Variants in ING2 observed in about 807,000 individuals in gnomAD.
ING2 encodes inhibitor of growth family member 2, also known as inhibitor of growth protein 2.
A neutral mutation model predicts 30.6 loss-of-function variants in ING2; 7 were observed. That is an observed-to-expected ratio of 0.23 (90% CI 0.13 to 0.43). The LOEUF is 0.43. ING2 is among the 20% of genes least tolerant of loss of function. The pLI is 1.00. For missense variants in ING2, 239 were observed against 334.9 expected (o/e 0.71, Z 2.24); for synonymous variants, 136 against 121.7 (o/e 1.12, Z -0.78).
Position 183,511,653 on chromosome 4 carries a change from C to T in ING2, c.*701C>T, listed in dbSNP as rs1054813668. On this transcript the variant is annotated 3_prime_UTR_variant, in exon 2 of 2. Transcript: ENST00000302327. ...GTTTTGTGTTTTCTTTTAATTGGGA[C>T]AGGTAAGAGTAGTTAGCATACCAAA... 2.0e-5 allele frequency among the ~76,000 whole-genome samples: 3 copies of T among 152,156 alleles called. No homozygotes were observed. The highest frequency in any genetic ancestry group is 1.3e-4 in the Admixed American group (2 of 15,278).
Position 183,510,694 on chromosome 4 carries a change from G to C in ING2, c.585G>C (p.Lys195Asn), listed in dbSNP as rs563526131. 1 of 1,614,210 alleles carries C rather than the reference G, an allele frequency of 6.2e-7. No homozygotes were observed. The highest frequency in any genetic ancestry group is 1.3e-5 in the African/African-American group (1 of 75,052). ...AGAAAAAGAAACGCTCCAAGGCCAA[G>C]CAGGAAAGGGAAGCTTCACCTGTTG... ...SAKKKKRSKA[K>N]QEREASPVEF... The change falls in exon 2 of 2, where the codon AAG becomes AAC. Residue 195 changes from lysine to asparagine, a missense_variant. Lys to Asn is a moderately conservative substitution (Grantham distance 94, BLOSUM62 0). Coordinates refer to ENST00000302327, the MANE Select transcript of ING2 (RefSeq NM_001564.4).
intron 1 of ING2, among the ~76,000 whole-genome samples, chr4:183,510,078 C>T (rs1009239426): frequency 4.6e-5 from 7 of 152,166 alleles, no homozygotes; most frequent in Admixed American, 2.6e-4. Context: ...TGTGTTCTTT[C>T]TTTTCATTAC....
In ING2 at chr4:183,510,682, C is replaced by T. The variant is rs183273154; in HGVS notation, c.573C>T (p.Arg191=). The change falls in exon 2 of 2, where the codon CGC becomes CGT. Residue 191 remains arginine (R), a synonymous_variant. Transcript: ENST00000302327. ...KKSKSAKKKK[R]SKAKQEREAS... ...CCAAGTCAGCAAAGAAAAAGAAACG[C>T]TCCAAGGCCAAGCAGGAAAGGGAAG... 1 of 1,614,180 alleles carries T rather than the reference C, an allele frequency of 6.2e-7. No individual in the cohort carries two copies. The highest frequency in any genetic ancestry group is 1.7e-5 in the Admixed American group (1 of 60,026).
rs745417481 is a variant in ING2 at position 183,506,415 on chromosome 4, C to CT, written c.172+1051dup. The stretch of plus-strand genomic sequence containing the variant: ...CGTCCCCGAGCCCCTCCTTCTCCGA[C>CT]TTTAAGTGTGGAGGCGAAACCACCC... On this transcript the variant is annotated intron_variant, in intron 1 of 1. Transcript: ENST00000302327. 3.6e-5 allele frequency: 32 copies of CT among 896,778 alleles called. No homozygotes were observed. In the East Asian group the frequency reaches 8.7e-4, roughly 24 times the overall value. 55.6% of individuals were successfully genotyped at this position (896,778 alleles called of 1,614,324 possible).
At position 183,511,911 on chromosome 4, in the gene ING2, A is replaced by T. The variant is rs1320305715; in HGVS notation, c.*959A>T. On this transcript the variant is annotated 3_prime_UTR_variant, in exon 2 of 2. Transcript: ENST00000302327. ...AGTGGTTATTGTTCATTTCTGTCCCAATCAGTGACTATTTTAAATAATAGT... is the reference window on the plus strand; with the variant it reads ...AGTGGTTATTGTTCATTTCTGTCCCTATCAGTGACTATTTTAAATAATAGT... Among the ~76,000 whole-genome samples the T allele has an allele frequency of 1.3e-5, 2 of 152,238 alleles. No homozygotes were observed. Among genetic ancestry groups the T allele is most frequent in the Non-Finnish European group, 1.5e-5 (1 of 68,040 alleles).
intron 1 of ING2, among the ~76,000 whole-genome samples, chr4:183,505,696 C>A (rs1734619350): frequency 6.6e-6 from 1 of 151,960 alleles, no homozygotes; most frequent in Non-Finnish European, 1.5e-5. Flanking sequence ...GACCCTGCGG[C>A]CCCGGCCCGG....
At chr4:183,505,495 G>T (rs1336341441) in intron 1 of ING2, 128 bp downstream of exon 1, 6 of 965,314 alleles carry the variant, frequency 6.2e-6, no homozygotes, top group African/African-American at 1.7e-5. Flanking sequence ...GGGACTGGGA[G>T]GACTGGAGAC....
At position 183,511,777 on chromosome 4, in the gene ING2, T is replaced by C. The variant is rs1027198649; in HGVS notation, c.*825T>C. ...ACATCTTAATTAATAGTATTTTCCA[T>C]GTGACCTGCTGCCAGGATGCGTAGC... On this transcript the variant is annotated 3_prime_UTR_variant, in exon 2 of 2. Coordinates refer to ENST00000302327, the MANE Select transcript of ING2 (RefSeq NM_001564.4). Among the ~76,000 whole-genome samples, 39 of 152,224 alleles carry C rather than the reference T, an allele frequency of 2.6e-4. 1 individual carries two copies. The highest frequency in any genetic ancestry group is 7.4e-5 in the Non-Finnish European group (5 of 68,026).
At chr4:183,506,094 C>T in intron 1 of ING2, 1 of 1,187,640 alleles carries the variant, frequency 8.4e-7, no homozygotes, top group Non-Finnish European at 1.1e-6. Flanking sequence ...GGGAGGGGCG[C>T]GGCGCGCGTT....
chr4:183,509,717 G>A (rs1734770639), intron 1 of ING2, among the ~76,000 whole-genome samples: 1 of 144,360 alleles, frequency 6.9e-6, no homozygotes. Context: ...TTACAAGCGT[G>A]AGCCACCGCG....
Position 183,510,846 on chromosome 4 carries a change from C to T in ING2, c.737C>T (p.Thr246Ile), listed in dbSNP as rs1359100536. The T allele has an allele frequency of 3.1e-6, 5 of 1,613,946 alleles. No homozygotes were observed. In the Admixed American group the frequency reaches 5.0e-5, roughly 16 times the overall value. The change falls in exon 2 of 2, where the codon ACC (threonine) becomes ATC (isoleucine). Residue 246 changes from threonine (T) to isoleucine (I), a missense_variant. Around this residue, in one of 5 missense-constraint regions of ING2, gnomAD observed 22 missense variants for 77.0 expected, o/e 0.29. Transcript: ENST00000302327. The stretch of plus-strand genomic sequence containing the variant: ...TTTCACTTTTCATGTGTTTCACTTA[C>T]CTATAAACCAAAGGGGAAATGGTAT... ...EWFHFSCVSL[T>I]YKPKGKWYCP...
chr4:183,510,418 T>C lies in ING2; in HGVS notation c.309T>C (p.Ile103=). ...SQELGDEKIQ[I]VTQMLELVEN... is the part of the protein sequence containing the mutation. ...AATTGGGAGATGAAAAAATACAGAT[T>C]GTTACACAAATGCTCGAATTGGTGG... The change falls in exon 2 of 2, where the codon ATT becomes ATC. Residue 103 remains isoleucine (I), a synonymous_variant. Transcript: ENST00000302327. 1.2e-6 allele frequency: 2 copies of C among 1,614,144 alleles called. No individual in the cohort carries two copies. Among genetic ancestry groups the C allele is most frequent in the Non-Finnish European group, 1.7e-6 (2 of 1,180,034 alleles).
chr4:183,510,367 C>A lies in ING2; in HGVS notation c.258C>A (p.Leu86=), dbSNP rs1247028580. 1.2e-6 allele frequency: 2 copies of A among 1,613,978 alleles called. No individual in the cohort carries two copies. The highest frequency in any genetic ancestry group is 2.2e-5 in the South Asian group (2 of 91,078). Residue 86 remains leucine (L), a synonymous_variant, in exon 2 of 2, where the codon CTC becomes CTA. Coordinates refer to ENST00000302327, the MANE Select transcript of ING2 (RefSeq NM_001564.4). The part of the protein sequence containing the change: ...LNQKKRLQQL[L]QRALINSQEL... ...AGAAGAAACGTCTACAGCAGCTTCT[C>A]CAGAGAGCACTAATTAATAGTCAAG... is the stretch of plus-strand genomic sequence containing the variant.
In ING2 at chr4:183,511,948, C is replaced by T. The variant is rs1734829667; in HGVS notation, c.*996C>T. Among the ~76,000 whole-genome samples, 1 of 152,088 alleles carries T rather than the reference C, an allele frequency of 6.6e-6. No homozygotes were observed. Among genetic ancestry groups the T allele is most frequent in the South Asian group, 2.1e-4 (1 of 4,828 alleles). ...TTTTAAATAATAGTGTATTTACTGT[C>T]TTAACTTCTAGTATTGGTGCTGTTT... On this transcript the variant is annotated 3_prime_UTR_variant, in exon 2 of 2. Coordinates refer to ENST00000302327, the MANE Select transcript of ING2 (RefSeq NM_001564.4).
intron 1 of ING2, chr4:183,506,385 C>A: frequency 1.9e-6 from 2 of 1,076,522 alleles, no homozygotes; most frequent in Non-Finnish European, 1.3e-6. Flanking sequence ...TGGGCAACCG[C>A]CTGGCGTCCC....
intron 1 of ING2, among the ~76,000 whole-genome samples, chr4:183,508,902 C>T (rs1004394013): frequency 1.3e-5 from 2 of 152,094 alleles, no homozygotes; most frequent in Non-Finnish European, 2.9e-5. Context: ...GCTATTTTTA[C>T]TTGATTTAAG....
At position 183,506,058 on chromosome 4, in the gene ING2, G is replaced by A. The variant is rs1734636440; in HGVS notation, c.172+691G>A. The A allele has an allele frequency of 2.7e-6, 3 of 1,123,048 alleles. No individual in the cohort carries two copies. The South Asian group carries it at 5.3e-5, about 20-fold the overall frequency. The allele number at this position is 1,123,048 out of a possible 1,614,324, so 69.6% of individuals were successfully genotyped here. A position where few individuals can be genotyped will look rare whatever the true frequency, so the allele number is the denominator to read the frequency against. ...GGGGAGGGCCCCCGCGCCGGGGGCG[G>A]GGCCTGCGGGCTTGACGAGGGGCGT... On this transcript the variant is annotated intron_variant, in intron 1 of 1. Coordinates refer to ENST00000302327, the MANE Select transcript of ING2 (RefSeq NM_001564.4).
chr4:183,508,738 A>G (rs921686856), intron 1 of ING2, among the ~76,000 whole-genome samples: 8 of 152,370 alleles, frequency 5.3e-5, no homozygotes, highest in Admixed American at 2.6e-4. Context: ...GCCATGTGGT[A>G]TGAAAAATAC....
chr4:183,506,667 A>G (rs967127483), intron 1 of ING2, among the ~76,000 whole-genome samples: 24 of 152,146 alleles, frequency 1.6e-4, no homozygotes, highest in Non-Finnish European at 5.9e-5. Context: ...CAGTAATCCT[A>G]TACTTTAAAA....
Sources: gnomAD v4.1 joint callset for allele counts (sites outside exome capture counted in the v4.1 genomes callset) on GRCh38, gnomAD v4.1.1 for gene constraint, gnomAD v4.1.1 regional missense constraint, MANE v1.5 for transcripts, NCBI Gene and HGNC (gene_info 2026-07-23, HGNC 2026-07-21) for gene names.